The following PRELID2 variants were observed in gnomAD, a reference collection of about 807,000 sequenced individuals.
The protein encoded by PRELID2 is PRELI domain-containing protein 2.
Under a neutral mutation model 28.4 loss-of-function variants are expected in PRELID2, and 25 were observed. The observed-to-expected ratio is 0.88, with a 90% CI of 0.64 to 1.23. The LOEUF is 1.23. Among genes scored for constraint, PRELID2 ranks in the 50% most tolerant of loss-of-function variants. PRELID2 has a pLI of 0.00. For missense variants in PRELID2, 201 were observed against 214.4 expected (o/e 0.94, Z 0.39); for synonymous variants, 76 against 71.6 (o/e 1.06, Z -0.31).
intron 1 of PRELID2, among the ~76,000 whole-genome samples, chr5:145,736,540 G>T (rs1201614132): frequency 6.6e-6 from 1 of 152,102 alleles, no homozygotes; most frequent in African/African-American, 2.4e-5. Context: ...AGAGGTTTTT[G>T]TTTGACTCTA....
chr5:145,306,301 G>C, the PRELID2 span, among the ~76,000 whole-genome samples: 97 of 152,264 alleles, frequency 6.4e-4, 2 homozygotes, highest in South Asian at 0.019. Context: ...TTGGTAACTA[G>C]ATGAAGTTTG....
At chr5:145,494,793 C>A (rs989820914) in intron 1 of PRELID2, among the ~76,000 whole-genome samples, 17 of 152,034 alleles carry the variant, frequency 1.1e-4, no homozygotes, top group African/African-American at 3.9e-4. Flanking sequence ...TCTAAAGCTG[C>A]AAATCTCATT....
chr5:145,653,423 C>T (rs1227258780), intron 1 of PRELID2, among the ~76,000 whole-genome samples: 1 of 152,212 alleles, frequency 6.6e-6, no homozygotes, highest in Admixed American at 6.5e-5. Flanking sequence ...CAGAACTCTC[C>T]ACCCCAAATC....
At chr5:145,462,690 A>C in the PRELID2 span, among the ~76,000 whole-genome samples, 1 of 152,344 alleles carries the variant, frequency 6.6e-6, no homozygotes, top group Non-Finnish European at 1.5e-5. Flanking sequence ...AAAGAGAAGA[A>C]AGAAGAGCAT....
the PRELID2 span, among the ~76,000 whole-genome samples, chr5:145,245,641 T>G: frequency 2.6e-5 from 4 of 152,086 alleles, no homozygotes; most frequent in Non-Finnish European, 5.9e-5. Context: ...CCTGAAGGAC[T>G]AAGGATGACT....
chr5:145,710,722 G>A (rs1755670234), intron 1 of PRELID2, among the ~76,000 whole-genome samples: 1 of 152,196 alleles, frequency 6.6e-6, no homozygotes, highest in African/African-American at 2.4e-5. Flanking sequence ...GGTCCAAAAT[G>A]TCGCTGAGGC....
chr5:145,817,198 A>AAAAAAAT (rs1365517052), intron 4 of PRELID2, among the ~76,000 whole-genome samples: 3 of 70,080 alleles, frequency 4.3e-5, no homozygotes, highest in African/African-American at 1.3e-4. Context: ...TTCAAAAAAA[A>AAAAAAAT]ATAAATAAAT....
chr5:145,627,798 C>T (rs1488737680), intron 1 of PRELID2, among the ~76,000 whole-genome samples: 5 of 152,198 alleles, frequency 3.3e-5, no homozygotes, highest in Non-Finnish European at 7.3e-5. Flanking sequence ...TGGCCCCAGG[C>T]TACTTCACCA....
At chr5:145,639,642 C>T (rs1209516824) in intron 1 of PRELID2, among the ~76,000 whole-genome samples, 1 of 152,142 alleles carries the variant, frequency 6.6e-6, no homozygotes, top group Non-Finnish European at 1.5e-5. Flanking sequence ...CTGCCTTTTT[C>T]CTATTCAATG....
At chr5:145,440,506 T>A in the PRELID2 span, among the ~76,000 whole-genome samples, 32 of 152,258 alleles carry the variant, frequency 2.1e-4, 1 homozygote, top group East Asian at 5.4e-3. Context: ...GTTTGGTTTT[T>A]AACAAGGTTT....
chr5:145,470,174 G>A (rs1042565373), downstream of PRELID2, among the ~76,000 whole-genome samples: 5 of 152,092 alleles, frequency 3.3e-5, no homozygotes, highest in African/African-American at 4.8e-5. Context: ...GGGCCAGATA[G>A]TAAATATTTT....
chr5:145,248,951 C>T, the PRELID2 span, among the ~76,000 whole-genome samples: 1 of 152,048 alleles, frequency 6.6e-6, no homozygotes, highest in Non-Finnish European at 1.5e-5. Context: ...TTTTCAGTGC[C>T]AGCCTATTAT....
the PRELID2 span, among the ~76,000 whole-genome samples, chr5:145,238,058 C>T: frequency 6.6e-6 from 1 of 152,098 alleles, no homozygotes; most frequent in Non-Finnish European, 1.5e-5. Flanking sequence ...CTCACAAAGA[C>T]CTACCCTCCA....
At chr5:145,826,323 A>G (rs56186937) in intron 1 of PRELID2, 3,760 of 304,970 alleles carry the variant, frequency 0.012, 40 homozygotes, top group Non-Finnish European at 0.014. Flanking sequence ...CATGAAAGCA[A>G]TGTGATCTGA....
chr5:145,701,912 G>A lies in PRELID2; in HGVS notation n.70+63019C>T, dbSNP rs555598994. On this transcript the variant is annotated intron_variant and non_coding_transcript_variant, in intron 1 of 2. Transcript: ENST00000510259. ...ACTAAAAATACAAAATTAGCCGGGC[G>A]TGGTGGCACATGCCTGTAATCCCAG... 3.3e-5 allele frequency among the ~76,000 whole-genome samples: 5 copies of A among 152,170 alleles called. No homozygotes were observed. The South Asian group carries it at 1.0e-3, about 32-fold the overall frequency.
chr5:145,563,931 C>G (rs1752944185), intron 1 of PRELID2, among the ~76,000 whole-genome samples: 1 of 151,980 alleles, frequency 6.6e-6, no homozygotes. Flanking sequence ...AGTGCTCTCA[C>G]CAAAAAAAGT....
At chr5:145,414,043 A>C in the PRELID2 span, among the ~76,000 whole-genome samples, 1 of 152,160 alleles carries the variant, frequency 6.6e-6, no homozygotes, top group Admixed American at 6.6e-5. Flanking sequence ...TTATTTTTAG[A>C]GGTAGAATTA....
intron 1 of PRELID2, among the ~76,000 whole-genome samples, chr5:145,557,916 G>T (rs1484086324): frequency 6.6e-6 from 1 of 152,138 alleles, no homozygotes; most frequent in Admixed American, 6.5e-5. Context: ...GTTGGTTCTT[G>T]CCTTGGCTAC....
chr5:145,597,907 T>C (rs1021312839), intron 1 of PRELID2, among the ~76,000 whole-genome samples: 4 of 152,186 alleles, frequency 2.6e-5, no homozygotes, highest in Non-Finnish European at 4.4e-5. Context: ...ACATGGAGAT[T>C]TATAAGCTAT....
Sources: gnomAD v4.1 joint callset for allele counts (sites outside exome capture counted in the v4.1 genomes callset) on GRCh38, gnomAD v4.1.1 for gene constraint, MANE v1.5 for transcripts, NCBI Gene and HGNC (gene_info 2026-07-23, HGNC 2026-07-21) for gene names.